TMPRSS11F: variants seen among roughly 807,000 people sequenced by gnomAD.
TMPRSS11F encodes transmembrane protease serine 11F.
In TMPRSS11F, 47 loss-of-function variants were observed where a neutral mutation model predicts 60.2. The ratio of observed to expected loss-of-function variants is 0.78; its 90% CI spans 0.62 to 1.00. The LOEUF is 1.00. Ranked by LOEUF, TMPRSS11F falls within the 50% of genes least tolerant of loss-of-function variation. TMPRSS11F has a pLI of 0.00. For missense variants in TMPRSS11F, 519 were observed against 522.9 expected (o/e 0.99, Z 0.07); for synonymous variants, 166 against 167.3 (o/e 0.99, Z 0.06).
At chr4:68,087,677 A>G (rs1353940498) in intron 3 of TMPRSS11F, among the ~76,000 whole-genome samples, 5 of 150,062 alleles carry the variant, frequency 3.3e-5, no homozygotes, top group Admixed American at 6.7e-5. Flanking sequence ...CAAAAAATCA[A>G]CATAAAACAA....
intron 9 of TMPRSS11F, among the ~76,000 whole-genome samples, chr4:68,054,756 T>C (rs182928335): frequency 6.6e-6 from 1 of 152,244 alleles, no homozygotes; most frequent in East Asian, 1.9e-4. Context: ...ATTTATTGAG[T>C]TCCTATTCTA....
chr4:68,077,157 C>T (rs975601862), intron 3 of TMPRSS11F: 4 of 152,242 alleles, frequency 2.6e-5, no homozygotes, highest in East Asian at 1.9e-4. Flanking sequence ...CAGTCTGTCA[C>T]TCAATATATA....
intron 8 of TMPRSS11F, among the ~76,000 whole-genome samples, chr4:68,060,669 A>G (rs1723150978): frequency 6.6e-6 from 1 of 151,684 alleles, no homozygotes; most frequent in South Asian, 2.1e-4. Context: ...CATTGATGTA[A>G]CAATAAAATA....
At chr4:68,100,082 G>A (rs754395784) in intron 1 of TMPRSS11F, among the ~76,000 whole-genome samples, 14 of 151,734 alleles carry the variant, frequency 9.2e-5, no homozygotes, top group Non-Finnish European at 1.5e-4. Flanking sequence ...CATGTGGGGC[G>A]TTGGGGGGAA....
At position 68,129,404 on chromosome 4, in the gene TMPRSS11F, T is replaced by C. The variant is rs1724776249; in HGVS notation, c.11+406A>G. Among the ~76,000 whole-genome samples, 5 of 152,258 alleles carry C rather than the reference T, an allele frequency of 3.3e-5. No homozygotes were observed. The South Asian group carries it at 1.0e-3, about 32-fold the overall frequency. On this transcript the variant is annotated intron_variant, in intron 1 of 9. Transcript: ENST00000356291. ...CTAGTAGACTCTCCTCTTAAATTTA[T>C]ATTTAATTTTCCCAGAATATACATC...
intron 3 of TMPRSS11F, among the ~76,000 whole-genome samples, chr4:68,090,023 T>G (rs564421311): frequency 4.1e-4 from 62 of 152,188 alleles, no homozygotes; most frequent in African/African-American, 1.4e-3. Flanking sequence ...CCCAATATAC[T>G]TAAAAAATTA....
chr4:68,069,846 G>T, intron 6 of TMPRSS11F, 123 bp downstream of exon 6: 1 of 650,736 alleles, frequency 1.5e-6, no homozygotes, highest in Non-Finnish European at 2.6e-6. Context: ...CTAAGTGTTC[G>T]GTTTACAAAA....
chr4:68,112,481 G>A (rs1054941515), intron 1 of TMPRSS11F, among the ~76,000 whole-genome samples: 7 of 151,926 alleles, frequency 4.6e-5, no homozygotes, highest in African/African-American at 1.7e-4. Flanking sequence ...ATGTTCCCAT[G>A]GTGCCCTATA....
intron 9 of TMPRSS11F, 138 bp from the exon 10 acceptor site, chr4:68,054,205 A>C: frequency 6.0e-6 from 4 of 662,014 alleles, no homozygotes; most frequent in Non-Finnish European, 9.7e-6. Context: ...TGGGTCTCTC[A>C]ACTGAATTAA....
chr4:68,090,759 TA>T (rs1723912292), intron 2 of TMPRSS11F, 118 bp from the exon 3 acceptor site: 1 of 1,441,310 alleles, frequency 6.9e-7, no homozygotes. Context: ...CTACTTAGTG[TA>T]AAAATTCTTG....
At chr4:68,095,570 G>A (rs958256778) in intron 2 of TMPRSS11F, among the ~76,000 whole-genome samples, 3 of 152,112 alleles carry the variant, frequency 2.0e-5, no homozygotes, top group Non-Finnish European at 2.9e-5. Context: ...ACTGCTGGTA[G>A]AAAACAGTTT....
intron 1 of TMPRSS11F, among the ~76,000 whole-genome samples, chr4:68,108,158 T>C (rs1052578172): frequency 6.6e-6 from 1 of 152,174 alleles, no homozygotes; most frequent in Non-Finnish European, 1.5e-5. Context: ...AACATATAAC[T>C]GGATTCAGAA....
chr4:68,080,520 A>C (rs1723676510), intron 3 of TMPRSS11F: 1 of 152,208 alleles, frequency 6.6e-6, no homozygotes, highest in African/African-American at 2.4e-5. Flanking sequence ...TTGTTTAGTA[A>C]TGTCTGGTAG....
At chr4:68,063,850 C>T (rs1439329203) in intron 8 of TMPRSS11F, among the ~76,000 whole-genome samples, 2 of 152,158 alleles carry the variant, frequency 1.3e-5, no homozygotes, top group East Asian at 3.9e-4. Flanking sequence ...ATATTTACAA[C>T]CCACTTTAAT....
intron 7 of TMPRSS11F, among the ~76,000 whole-genome samples, chr4:68,067,364 G>A (rs1419299783): frequency 6.6e-6 from 1 of 152,052 alleles, no homozygotes; most frequent in African/African-American, 2.4e-5. Flanking sequence ...AAGCTCAATG[G>A]GCAATTCCCA....
At chr4:68,128,408 A>G (rs1285443551) in intron 1 of TMPRSS11F, among the ~76,000 whole-genome samples, 2 of 152,114 alleles carry the variant, frequency 1.3e-5, no homozygotes, top group Non-Finnish European at 2.9e-5. Context: ...AAATACGTAG[A>G]ATTATTATAT....
At chr4:68,117,219 G>A (rs1479067777) in intron 1 of TMPRSS11F, among the ~76,000 whole-genome samples, 1 of 152,084 alleles carries the variant, frequency 6.6e-6, no homozygotes, top group Non-Finnish European at 1.5e-5. Flanking sequence ...TGTAATCTCA[G>A]CACTTTGGGA....
chr4:68,056,898 T>C (rs573900170), intron 9 of TMPRSS11F, among the ~76,000 whole-genome samples: 1 of 152,300 alleles, frequency 6.6e-6, no homozygotes, highest in East Asian at 1.9e-4. Context: ...TTATGGTCAA[T>C]TGATTTGTTG....
chr4:68,088,175 A>T (rs139606503), intron 3 of TMPRSS11F, among the ~76,000 whole-genome samples: 5,953 of 151,764 alleles, frequency 0.039, 353 homozygotes, highest in African/African-American at 0.12. Flanking sequence ...ACACATAGGC[A>T]CAAAATAAAA....
Sources: allele counts gnomAD v4.1 joint callset (sites outside exome capture counted in the v4.1 genomes callset), GRCh38; gene constraint gnomAD v4.1.1; transcripts MANE v1.5; gene names NCBI Gene and HGNC (gene_info 2026-07-23, HGNC 2026-07-21).